EPHA6: variants seen among roughly 807,000 people sequenced by gnomAD.
The protein encoded by EPHA6 is ephrin type-A receptor 6.
A neutral mutation model predicts 112.0 loss-of-function variants in EPHA6; 50 were observed. The ratio of observed to expected loss-of-function variants is 0.45; its 90% CI spans 0.36 to 0.56. The LOEUF is 0.56. Ranked by LOEUF, EPHA6 falls within the 20% of genes least tolerant of loss-of-function variation. The pLI is 0.00. For synonymous variants in EPHA6, 529 were observed against 490.7 expected (o/e 1.08, Z -1.03); for missense variants, 1,280 against 1,417.4 (o/e 0.90, Z 1.56).
intron 2 of EPHA6, among the ~76,000 whole-genome samples, chr3:96,879,810 TCATTGTTGGTG>T (rs1317467061): frequency 6.6e-6 from 1 of 152,130 alleles, no homozygotes; most frequent in East Asian, 1.9e-4. Context: ...CTCAGCTTGG[TCATTGTTGGTG>T]CATAGAGTGC....
chr3:96,985,842 AACTAT>A (rs1445333724), intron 2 of EPHA6, among the ~76,000 whole-genome samples: 6 of 151,978 alleles, frequency 3.9e-5, no homozygotes, highest in African/African-American at 1.2e-4. Flanking sequence ...TTCTGTTAGA[AACTAT>A]ACTATACTAG....
intron 2 of EPHA6, among the ~76,000 whole-genome samples, chr3:96,874,520 A>G (rs888536932): frequency 1.3e-5 from 2 of 152,132 alleles, no homozygotes; most frequent in African/African-American, 2.4e-5. Flanking sequence ...AGAAATAATT[A>G]CATTTGAAAT....
chr3:96,838,300 T>C (rs546374155), intron 1 of EPHA6, among the ~76,000 whole-genome samples: 1 of 152,326 alleles, frequency 6.6e-6, no homozygotes, highest in South Asian at 2.1e-4. Context: ...AGTCTATCAT[T>C]GATGGACATT....
At chr3:96,829,969 A>G (rs1414342331) in intron 1 of EPHA6, among the ~76,000 whole-genome samples, 7 of 151,658 alleles carry the variant, frequency 4.6e-5, no homozygotes, top group African/African-American at 1.4e-4. Flanking sequence ...ACACACACAC[A>G]CACACACACA....
At chr3:97,384,233 C>A (rs1226316134) in intron 5 of EPHA6, among the ~76,000 whole-genome samples, 2 of 152,192 alleles carry the variant, frequency 1.3e-5, no homozygotes, top group East Asian at 1.9e-4. Flanking sequence ...TATACATATT[C>A]CTCACAACCT....
chr3:97,199,425 C>T (rs933530802), intron 3 of EPHA6, among the ~76,000 whole-genome samples: 1 of 152,110 alleles, frequency 6.6e-6, no homozygotes, highest in Non-Finnish European at 1.5e-5. Context: ...ACCCCCTACC[C>T]GTTTCAGAGA....
At chr3:97,631,356 G>C (rs527537537) in intron 13 of EPHA6, among the ~76,000 whole-genome samples, 1 of 151,998 alleles carries the variant, frequency 6.6e-6, no homozygotes, top group East Asian at 1.9e-4. Flanking sequence ...GGCTTGAAGT[G>C]TCCAGTGTTT....
intron 14 of EPHA6, chr3:97,648,718 G>A (rs76038182): frequency 0.029 from 23,469 of 816,052 alleles, 382 homozygotes; most frequent in Middle Eastern, 0.077. Context: ...AGTTTGCAGC[G>A]AGAAAAAAGA....
chr3:97,741,142 G>C (rs1374803710), intron 16 of EPHA6, among the ~76,000 whole-genome samples: 1 of 152,022 alleles, frequency 6.6e-6, no homozygotes, highest in African/African-American at 2.4e-5. Flanking sequence ...CTTGAAGCCA[G>C]GAGTTCACCA....
At chr3:97,221,498 G>T (rs1364243927) in intron 3 of EPHA6, among the ~76,000 whole-genome samples, 2 of 151,928 alleles carry the variant, frequency 1.3e-5, no homozygotes, top group Non-Finnish European at 2.9e-5. Flanking sequence ...TTGAAAGCAA[G>T]AAGTTTATAC....
intron 6 of EPHA6, among the ~76,000 whole-genome samples, chr3:97,424,113 C>T (rs1255810435): frequency 6.6e-6 from 1 of 152,132 alleles, no homozygotes; most frequent in Non-Finnish European, 1.5e-5. Flanking sequence ...GAATGAGGAG[C>T]AAAGTTATGT....
chr3:97,328,894 C>T (rs1451639430), intron 5 of EPHA6, among the ~76,000 whole-genome samples: 2 of 151,930 alleles, frequency 1.3e-5, no homozygotes, highest in Admixed American at 6.6e-5. Flanking sequence ...TATGCATGTG[C>T]CATATTGGTG....
chr3:96,991,760 C>T (rs1401630074), intron 3 of EPHA6, among the ~76,000 whole-genome samples: 2 of 152,096 alleles, frequency 1.3e-5, no homozygotes, highest in East Asian at 1.9e-4. Flanking sequence ...AATGAAGTTT[C>T]GTTGCTAAAA....
intron 5 of EPHA6, among the ~76,000 whole-genome samples, chr3:97,252,155 G>A (rs150337876): frequency 7.5e-4 from 114 of 152,202 alleles, no homozygotes; most frequent in African/African-American, 2.6e-3. Context: ...GACTCAGGAA[G>A]GTTGGGAAGT....
At chr3:97,274,547 T>C (rs1328464525) in intron 5 of EPHA6, among the ~76,000 whole-genome samples, 2 of 152,180 alleles carry the variant, frequency 1.3e-5, no homozygotes, top group Non-Finnish European at 2.9e-5. Flanking sequence ...AGAGTCAGTA[T>C]AAATATTGAT....
chr3:97,264,461 G>A (rs2079606299), intron 5 of EPHA6, among the ~76,000 whole-genome samples: 1 of 152,242 alleles, frequency 6.6e-6, no homozygotes, highest in Non-Finnish European at 1.5e-5. Context: ...AGCAGGGAAT[G>A]TGGTGGTGCA....
In EPHA6 at chr3:97,759,900, T is replaced by C. The variant is rs2036116657; in HGVS notation, c.*11199T>C. 5.0e-6 allele frequency: 1 copy of C among 199,824 alleles called. No individual in the cohort carries two copies. The highest frequency in any genetic ancestry group is 1.0e-5 in the Non-Finnish European group (1 of 96,720). The allele number at this position is 199,824 out of a possible 1,614,324, so 12.4% of individuals were successfully genotyped here. ...GGAAGACCCGAAACTTTGAATTCTG[T>C]GGTTTCCAAGGACTCTGGTAAGAGT... On this transcript the variant is annotated 3_prime_UTR_variant, in exon 18 of 18. Coordinates refer to ENST00000389672, the MANE Select transcript of EPHA6 (RefSeq NM_001080448.3).
chr3:97,391,482 T>C (rs918444311), intron 5 of EPHA6, among the ~76,000 whole-genome samples: 1 of 151,964 alleles, frequency 6.6e-6, no homozygotes, highest in African/African-American at 2.4e-5. Flanking sequence ...TCCAGGCTGA[T>C]CCTATTTCTT....
At chr3:97,702,877 C>A (rs2033474357) in intron 14 of EPHA6, among the ~76,000 whole-genome samples, 1 of 152,136 alleles carries the variant, frequency 6.6e-6, no homozygotes, top group African/African-American at 2.4e-5. Flanking sequence ...AGAAACCCAA[C>A]TTGAACAGAG....
Sources: allele counts gnomAD v4.1 joint callset (sites outside exome capture counted in the v4.1 genomes callset), GRCh38; gene constraint gnomAD v4.1.1; transcripts MANE v1.5; gene names NCBI Gene and HGNC (gene_info 2026-07-23, HGNC 2026-07-21).